Variants in DLG2 observed in about 807,000 individuals in gnomAD.
The protein encoded by DLG2 is disks large homolog 2.
Under a neutral mutation model 132.5 loss-of-function variants are expected in DLG2, and 45 were observed. The observed-to-expected ratio is 0.34, with a 90% CI of 0.27 to 0.44. The LOEUF is 0.44. Ranked by LOEUF, DLG2 falls within the 20% of genes least tolerant of loss-of-function variation. DLG2 has a pLI of 1.00. For missense variants in DLG2, 1,045 were observed against 1,196.9 expected (o/e 0.87, Z 1.87); for synonymous variants, 424 against 419.6 (o/e 1.01, Z -0.13).
chr11:84,655,836 T>A (rs2099687580), intron 6 of DLG2, among the ~76,000 whole-genome samples: 1 of 152,070 alleles, frequency 6.6e-6, no homozygotes, highest in Non-Finnish European at 1.5e-5. Flanking sequence ...TTAATTTCTA[T>A]CAGGGGGCCT....
At chr11:85,465,479 T>C (rs527823617) in intron 3 of DLG2, among the ~76,000 whole-genome samples, 1,533 of 150,984 alleles carry the variant, frequency 0.01, 32 homozygotes, top group African/African-American at 0.035. Flanking sequence ...CAACAGGCCC[T>C]GGTGTGTGAT....
chr11:83,995,733 C>T (rs896632624), intron 11 of DLG2, among the ~76,000 whole-genome samples: 2 of 152,088 alleles, frequency 1.3e-5, no homozygotes, highest in African/African-American at 4.8e-5. Flanking sequence ...AAAAGACAGT[C>T]TCTTCAATAA....
At chr11:84,623,944 A>G (rs575701641) in intron 6 of DLG2, among the ~76,000 whole-genome samples, 1 of 152,324 alleles carries the variant, frequency 6.6e-6, no homozygotes, top group African/African-American at 2.4e-5. Flanking sequence ...TAGTCCAGTG[A>G]TTGCAGTACA....
chr11:83,657,295 C>T (rs1411342049), intron 18 of DLG2, among the ~76,000 whole-genome samples: 1 of 152,092 alleles, frequency 6.6e-6, no homozygotes, highest in African/African-American at 2.4e-5. Context: ...GGTGAAAAAT[C>T]ACGAGTGAGG....
At chr11:84,089,985 G>A (rs913541260) in intron 10 of DLG2, among the ~76,000 whole-genome samples, 2 of 152,146 alleles carry the variant, frequency 1.3e-5, no homozygotes. Flanking sequence ...GCAATTCTAG[G>A]ACTTCAAACT....
chr11:85,197,591 G>C (rs1054780923), intron 4 of DLG2, among the ~76,000 whole-genome samples: 1 of 152,098 alleles, frequency 6.6e-6, no homozygotes, highest in African/African-American at 2.4e-5. Flanking sequence ...TAAACTTATT[G>C]AGTTTACTTA....
chr11:84,721,544 A>G (rs2061838086), intron 6 of DLG2, among the ~76,000 whole-genome samples: 1 of 112,730 alleles, frequency 8.9e-6, no homozygotes. Flanking sequence ...TTGCAGAAAG[A>G]CCAAAAAAAA....
intron 6 of DLG2, among the ~76,000 whole-genome samples, chr11:84,610,068 A>G (rs150855556): frequency 2.9e-4 from 44 of 152,210 alleles, no homozygotes; most frequent in African/African-American, 1.1e-3. Context: ...AATTGTAGCA[A>G]TATTAATAAT....
chr11:85,105,799 G>T (rs989928815), intron 6 of DLG2, among the ~76,000 whole-genome samples: 1 of 151,916 alleles, frequency 6.6e-6, no homozygotes, highest in African/African-American at 2.4e-5. Flanking sequence ...TAATTTCCCA[G>T]CAGCAGAATT....
intron 6 of DLG2, among the ~76,000 whole-genome samples, chr11:85,005,769 T>C (rs1044784098): frequency 2.6e-5 from 4 of 152,198 alleles, no homozygotes; most frequent in Admixed American, 6.5e-5. Flanking sequence ...CTATGTTGAA[T>C]AGGAGTGGTG....
At chr11:85,227,154 T>C (rs989363284) in intron 4 of DLG2, among the ~76,000 whole-genome samples, 8 of 151,996 alleles carry the variant, frequency 5.3e-5, no homozygotes, top group African/African-American at 1.9e-4. Flanking sequence ...GAAAGGAAGA[T>C]TGCTGGGTCA....
At chr11:84,611,307 C>T (rs2099595195) in intron 6 of DLG2, among the ~76,000 whole-genome samples, 1 of 152,092 alleles carries the variant, frequency 6.6e-6, no homozygotes, top group African/African-American at 2.4e-5. Flanking sequence ...GACAAAGGTC[C>T]ATATGCCAGT....
chr11:83,705,981 G>A (rs1447733428), intron 18 of DLG2, among the ~76,000 whole-genome samples: 1 of 152,142 alleles, frequency 6.6e-6, no homozygotes, highest in Non-Finnish European at 1.5e-5. Context: ...CACTTTGGGA[G>A]GCCAAGGCTG....
At chr11:83,526,630 T>C (rs1166366909) in intron 21 of DLG2, among the ~76,000 whole-genome samples, 3 of 152,188 alleles carry the variant, frequency 2.0e-5, no homozygotes, top group African/African-American at 4.8e-5. Context: ...TAAAATTCTT[T>C]ATTGCTTACA....
intron 3 of DLG2, among the ~76,000 whole-genome samples, chr11:85,303,310 T>A (rs1207692829): frequency 6.6e-6 from 1 of 152,200 alleles, no homozygotes; most frequent in Non-Finnish European, 1.5e-5. Flanking sequence ...ACCATATGTA[T>A]CTTAATCATA....
At chr11:85,069,404 C>T (rs2065443133) in intron 6 of DLG2, among the ~76,000 whole-genome samples, 1 of 152,154 alleles carries the variant, frequency 6.6e-6, no homozygotes, top group African/African-American at 2.4e-5. Flanking sequence ...AGCTACGCAT[C>T]TGACAAAGGG....
At chr11:83,981,051 T>C (rs972906200) in intron 11 of DLG2, among the ~76,000 whole-genome samples, 2 of 152,188 alleles carry the variant, frequency 1.3e-5, no homozygotes, top group African/African-American at 4.8e-5. Flanking sequence ...GTTGTTACTC[T>C]AGCATAGAGA....
intron 6 of DLG2, among the ~76,000 whole-genome samples, chr11:85,106,499 CCT>C (rs1450290177): frequency 6.6e-6 from 1 of 151,874 alleles, no homozygotes; most frequent in Non-Finnish European, 1.5e-5. Flanking sequence ...AATGAGTACC[CCT>C]GATTTACTAT....
chr11:84,468,120 T>C (rs1352888766), intron 7 of DLG2, among the ~76,000 whole-genome samples: 1 of 151,608 alleles, frequency 6.6e-6, no homozygotes, highest in Admixed American at 6.6e-5. Context: ...TACCTGATGG[T>C]GAGCAGATTC....
Sources: gnomAD v4.1 joint callset for allele counts (sites outside exome capture counted in the v4.1 genomes callset) on GRCh38, gnomAD v4.1.1 for gene constraint, MANE v1.5 for transcripts, NCBI Gene and HGNC (gene_info 2026-07-23, HGNC 2026-07-21) for gene names.